ADGRB3: variants seen among roughly 807,000 people sequenced by gnomAD.
The protein encoded by ADGRB3 is adhesion G protein-coupled receptor B3, also known as brain-specific angiogenesis inhibitor 3.
A neutral mutation model predicts 193.4 loss-of-function variants in ADGRB3; 37 were observed. The ratio of observed to expected loss-of-function variants is 0.19; its 90% CI spans 0.15 to 0.25. The LOEUF is 0.25. Ranked by LOEUF, ADGRB3 falls within the 10% of genes least tolerant of loss-of-function variation. The pLI, the probability that ADGRB3 is intolerant of heterozygous loss-of-function variation, is 1.00. For synonymous variants in ADGRB3, 690 were observed against 644.2 expected (o/e 1.07, Z -1.08); for missense variants, 1,637 against 1,852.9 (o/e 0.88, Z 2.14).
chr6:68,703,566 T>C (rs532060745), intron 3 of ADGRB3, among the ~76,000 whole-genome samples: 2 of 152,250 alleles, frequency 1.3e-5, no homozygotes, highest in Non-Finnish European at 2.9e-5. Flanking sequence ...ATTTAATTCA[T>C]ATGTTTACAA....
At chr6:69,033,470 AGT>A (rs1770774053) in intron 13 of ADGRB3, among the ~76,000 whole-genome samples, 6 of 152,216 alleles carry the variant, frequency 3.9e-5, no homozygotes, top group Non-Finnish European at 7.4e-5. Flanking sequence ...TAAATGAATT[AGT>A]TCATTTTTAT....
chr6:69,370,097 G>C (rs1769675092), intron 29 of ADGRB3, among the ~76,000 whole-genome samples: 1 of 152,150 alleles, frequency 6.6e-6, no homozygotes, highest in African/African-American at 2.4e-5. Flanking sequence ...CAGAAGTCCT[G>C]AGTTTGAATC....
chr6:69,141,641 G>T (rs1432379081), intron 17 of ADGRB3, among the ~76,000 whole-genome samples: 1 of 152,080 alleles, frequency 6.6e-6, no homozygotes, highest in South Asian at 2.1e-4. Context: ...CCAAGTAGAA[G>T]GGGGAAGTGG....
At chr6:68,733,668 T>G (rs34882751) in intron 3 of ADGRB3, among the ~76,000 whole-genome samples, 59,720 of 148,418 alleles carry the variant, frequency 0.4, 12,306 homozygotes, top group East Asian at 0.65. Context: ...GCTAGTGGGG[T>G]TTGGAGGGCA....
chr6:68,687,384 T>A (rs2127300492), intron 3 of ADGRB3, among the ~76,000 whole-genome samples: 1 of 152,276 alleles, frequency 6.6e-6, no homozygotes. Context: ...TATGCATGGA[T>A]TTGCAATGTT....
chr6:68,947,256 T>G (rs896634698), intron 6 of ADGRB3, among the ~76,000 whole-genome samples: 15 of 152,076 alleles, frequency 9.9e-5, no homozygotes, highest in Non-Finnish European at 2.1e-4. Flanking sequence ...GTGTGTTCAG[T>G]GGTCTTTGTG....
intron 17 of ADGRB3, among the ~76,000 whole-genome samples, chr6:69,168,955 T>C (rs943649553): frequency 6.6e-6 from 1 of 152,130 alleles, no homozygotes; most frequent in Non-Finnish European, 1.5e-5. Context: ...TTTTTTATTC[T>C]TGCTTTATAA....
intron 3 of ADGRB3, among the ~76,000 whole-genome samples, chr6:68,874,332 A>T (rs1330388335): frequency 6.6e-6 from 1 of 152,118 alleles, no homozygotes; most frequent in Non-Finnish European, 1.5e-5. Flanking sequence ...GTAACTCCTC[A>T]AGTATCTAGG....
chr6:68,650,322 C>T (rs1032041241), intron 3 of ADGRB3, among the ~76,000 whole-genome samples: 26 of 151,544 alleles, frequency 1.7e-4, no homozygotes, highest in African/African-American at 4.6e-4. Context: ...AGGTTTTTTT[C>T]GGTATTTATC....
chr6:69,052,036 GC>G (rs1771411862), intron 15 of ADGRB3, among the ~76,000 whole-genome samples: 1 of 152,004 alleles, frequency 6.6e-6, no homozygotes, highest in Non-Finnish European at 1.5e-5. Context: ...GACTTCAGGC[GC>G]CCACCACCAC....
chr6:69,092,755 A>T (rs527344633), intron 17 of ADGRB3, among the ~76,000 whole-genome samples: 87 of 152,328 alleles, frequency 5.7e-4, no homozygotes, highest in African/African-American at 1.9e-3. Context: ...GTCACTCACA[A>T]GAAATGATAC....
intron 29 of ADGRB3, among the ~76,000 whole-genome samples, chr6:69,363,625 T>C (rs1769501128): frequency 6.6e-6 from 1 of 152,082 alleles, no homozygotes; most frequent in Non-Finnish European, 1.5e-5. Context: ...TGAGCCTGAA[T>C]ATTAGCATGA....
At chr6:68,733,283 T>A (rs1406273057) in intron 3 of ADGRB3, among the ~76,000 whole-genome samples, 1 of 149,122 alleles carries the variant, frequency 6.7e-6, no homozygotes, top group Non-Finnish European at 1.5e-5. Flanking sequence ...TCCATATATA[T>A]TCCTATATAT....
At chr6:69,320,874 C>G (rs1768441017) in intron 20 of ADGRB3, among the ~76,000 whole-genome samples, 1 of 138,662 alleles carries the variant, frequency 7.2e-6, no homozygotes, top group African/African-American at 2.6e-5. Flanking sequence ...CTCTCCTACG[C>G]CGGGAGAATT....
At chr6:68,947,129 C>T (rs555637890) in intron 6 of ADGRB3, among the ~76,000 whole-genome samples, 1 of 152,170 alleles carries the variant, frequency 6.6e-6, no homozygotes, top group East Asian at 1.9e-4. Context: ...AGGCAAGAGG[C>T]ATAGAGCAAC....
At chr6:69,280,352 T>G (rs1767409013) in intron 20 of ADGRB3, among the ~76,000 whole-genome samples, 1 of 152,126 alleles carries the variant, frequency 6.6e-6, no homozygotes, top group South Asian at 2.1e-4. Context: ...CTCACTGCCC[T>G]ACATATATTT....
intron 17 of ADGRB3, among the ~76,000 whole-genome samples, chr6:69,215,800 T>C (rs1225019665): frequency 6.6e-6 from 1 of 152,188 alleles, no homozygotes; most frequent in Non-Finnish European, 1.5e-5. Flanking sequence ...ACCAAATTTC[T>C]CTGGCTTGTT....
intron 3 of ADGRB3, among the ~76,000 whole-genome samples, chr6:68,809,310 A>G (rs1767466586): frequency 6.6e-6 from 1 of 152,308 alleles, no homozygotes. Context: ...ATTAAGGTGC[A>G]TAGGTATAAC....
chr6:69,156,656 T>G (rs1354590825), intron 17 of ADGRB3, among the ~76,000 whole-genome samples: 1 of 152,220 alleles, frequency 6.6e-6, no homozygotes, highest in Non-Finnish European at 1.5e-5. Context: ...TGTTTGATTT[T>G]TTACACAATC....
Sources: allele counts gnomAD v4.1 joint callset (sites outside exome capture counted in the v4.1 genomes callset), GRCh38; gene constraint gnomAD v4.1.1; transcripts MANE v1.5; gene names NCBI Gene and HGNC (gene_info 2026-07-23, HGNC 2026-07-21).